The following CYP4Z1 variants were observed in gnomAD, a reference collection of about 807,000 sequenced individuals.
CYP4Z1 encodes cytochrome P450 4Z1.
Under a neutral mutation model 54.2 loss-of-function variants are expected in CYP4Z1, and 41 were observed. That is an observed-to-expected ratio of 0.76 (90% confidence interval 0.59 to 0.98). The LOEUF is 0.98. CYP4Z1 is among the 50% of genes least tolerant of loss of function. The pLI, the probability that CYP4Z1 is intolerant of heterozygous loss-of-function variation, is 0.00. For synonymous variants in CYP4Z1, 163 were observed against 206.2 expected (o/e 0.79, Z 1.79); for missense variants, 513 against 599.0 (o/e 0.86, Z 1.50).
chr1:47,062,366 T>C (rs1470072329), upstream of CYP4Z1, among the ~76,000 whole-genome samples: 1 of 152,230 alleles, frequency 6.6e-6, no homozygotes, highest in Non-Finnish European at 1.5e-5. Context: ...ACTGGATTAC[T>C]GCTGCAGGCT....
chr1:47,109,016 G>C (rs3117713), intron 9 of CYP4Z1, among the ~76,000 whole-genome samples: 64,679 of 150,980 alleles, frequency 0.43, 15,235 homozygotes, highest in East Asian at 0.96. Context: ...CCATACTTAG[G>C]TATCTACAAA....
chr1:47,066,097 A>G (rs1336470893), upstream of CYP4Z1, among the ~76,000 whole-genome samples: 2 of 152,186 alleles, frequency 1.3e-5, no homozygotes, highest in Admixed American at 1.3e-4. Flanking sequence ...GAATTCTATC[A>G]CACATTCAAA....
chr1:47,068,532 T>C (rs919317839), intron 1 of CYP4Z1, 90 bp from the exon 2 acceptor site: 6 of 1,514,566 alleles, frequency 4.0e-6, no homozygotes, highest in Admixed American at 3.7e-5. Context: ...TGTCCACAGA[T>C]CCTCAACTTA....
At chr1:47,104,303 T>C (rs574525488) in intron 8 of CYP4Z1, among the ~76,000 whole-genome samples, 1 of 152,290 alleles carries the variant, frequency 6.6e-6, no homozygotes, top group African/African-American at 2.4e-5. Context: ...TGTTGGGGAA[T>C]GGGATACATG....
At chr1:47,068,372 C>G (rs546431081) in intron 1 of CYP4Z1, among the ~76,000 whole-genome samples, 4 of 152,288 alleles carry the variant, frequency 2.6e-5, no homozygotes, top group South Asian at 2.1e-4. Flanking sequence ...GAACTTAAAT[C>G]TCCAAAGTTG....
intron 2 of CYP4Z1, among the ~76,000 whole-genome samples, chr1:47,070,392 C>T (rs1569697538): frequency 9.6e-6 from 1 of 104,002 alleles, no homozygotes; most frequent in Non-Finnish European, 1.8e-5. Flanking sequence ...CTATCACCGC[C>T]ATCCATCTTC....
intron 11 of CYP4Z1, among the ~76,000 whole-genome samples, chr1:47,117,300 A>T (rs1318718169): frequency 6.6e-6 from 1 of 152,168 alleles, no homozygotes; most frequent in Non-Finnish European, 1.5e-5. Context: ...TGCAGAATCA[A>T]ATGTTGATAG....
chr1:47,108,628 G>A (rs558997074), intron 9 of CYP4Z1, among the ~76,000 whole-genome samples: 56 of 152,278 alleles, frequency 3.7e-4, no homozygotes, highest in African/African-American at 1.3e-3. Flanking sequence ...CTTGGCAAAA[G>A]ACCTACTACA....
chr1:47,107,418 G>A (rs573228244), intron 9 of CYP4Z1, among the ~76,000 whole-genome samples: 165 of 151,918 alleles, frequency 1.1e-3, no homozygotes, highest in African/African-American at 3.6e-3. Context: ...GGGGATCTTT[G>A]CAATCATCTA....
chr1:47,082,495 C>A, intron 4 of CYP4Z1, 34 bp downstream of exon 4: 1 of 1,587,178 alleles, frequency 6.3e-7, no homozygotes, highest in Non-Finnish European at 8.6e-7. Context: ...TACCTGGCCT[C>A]TGAAGTGAGG....
chr1:47,117,204 G>T (rs943604569), intron 11 of CYP4Z1, among the ~76,000 whole-genome samples: 2 of 152,070 alleles, frequency 1.3e-5, no homozygotes, highest in Non-Finnish European at 2.9e-5. Context: ...TATGCCTAAG[G>T]CTTCAACTGC....
intron 1 of CYP4Z1, 40 bp downstream of exon 1, chr1:47,067,707 A>G (rs749129206): frequency 8.6e-6 from 13 of 1,518,882 alleles, no homozygotes; most frequent in African/African-American, 1.4e-5. Context: ...AAGGGACAGA[A>G]AGATGAGGTA....
chr1:47,114,545 A>C (rs1644815865), intron 9 of CYP4Z1, among the ~76,000 whole-genome samples: 1 of 152,232 alleles, frequency 6.6e-6, no homozygotes, highest in East Asian at 1.9e-4. Context: ...CAATCTCCTC[A>C]TCTGACAAAG....
intron 1 of CYP4Z1, among the ~76,000 whole-genome samples, chr1:47,068,025 C>A (rs1271007870): frequency 1.3e-5 from 2 of 152,098 alleles, no homozygotes; most frequent in African/African-American, 4.8e-5. Context: ...AGGAACTATA[C>A]CAAGATGCTA....
At chr1:47,088,891 G>C (rs1266535007) in intron 6 of CYP4Z1, among the ~76,000 whole-genome samples, 2 of 145,282 alleles carry the variant, frequency 1.4e-5, no homozygotes, top group African/African-American at 5.4e-5. Context: ...CAAAGTGCTA[G>C]GATTACAGGC....
chr1:47,057,315 G>T, the CYP4Z1 span, among the ~76,000 whole-genome samples: 4 of 40,608 alleles, frequency 9.9e-5, no homozygotes, highest in African/African-American at 2.4e-4. Context: ...GCTTCCCTTT[G>T]TTACTTCTTA....
At chr1:47,057,335 A>AAAAAAAAAAAAAAAATATATATAT in the CYP4Z1 span, among the ~76,000 whole-genome samples, 1 of 28,482 alleles carries the variant, frequency 3.5e-5, no homozygotes, top group Non-Finnish European at 8.4e-5. Context: ...AAGAAAAAAA[A>AAAAAAAAAAAAAAAATATATATAT]ATATATATAT....
upstream of CYP4Z1, among the ~76,000 whole-genome samples, chr1:47,066,479 T>C (rs1019624849): frequency 6.6e-6 from 1 of 152,122 alleles, no homozygotes; most frequent in Non-Finnish European, 1.5e-5. Context: ...CCCTTTATGA[T>C]TAAAACTCTC....
intron 9 of CYP4Z1, among the ~76,000 whole-genome samples, chr1:47,107,982 G>A (rs573217351): frequency 3.9e-5 from 6 of 152,260 alleles, no homozygotes; most frequent in South Asian, 2.1e-4. Context: ...CTACTTATAC[G>A]TCATCTCTGG....
Sources: gnomAD v4.1 joint callset for allele counts (sites outside exome capture counted in the v4.1 genomes callset) on GRCh38, gnomAD v4.1.1 for gene constraint, MANE v1.5 for transcripts, NCBI Gene and HGNC (gene_info 2026-07-23, HGNC 2026-07-21) for gene names.